Variants in STK38L observed in about 807,000 individuals in gnomAD.
STK38L encodes the protein serine/threonine kinase 38 like.
In STK38L, 28 loss-of-function variants were observed where a neutral mutation model predicts 59.7. The ratio of observed to expected loss-of-function variants is 0.47; its 90% confidence interval spans 0.35 to 0.64. STK38L has a LOEUF of 0.64. Among genes scored for constraint, STK38L ranks in the 30% least tolerant of loss-of-function variants. The pLI, the probability that STK38L is intolerant of heterozygous loss-of-function variation, is 0.01. For synonymous variants in STK38L, 162 were observed against 176.8 expected (o/e 0.92, Z 0.66); for missense variants, 314 against 555.8 (o/e 0.56, Z 4.37).
At chr12:27,311,354 C>G (rs908115892) in intron 5 of STK38L, among the ~76,000 whole-genome samples, 1 of 152,168 alleles carries the variant, frequency 6.6e-6, no homozygotes, top group African/African-American at 2.4e-5. Context: ...ATATTTACTG[C>G]ACTAGGAGTA....
intron 1 of STK38L, among the ~76,000 whole-genome samples, chr12:27,276,890 G>A (rs980174361): frequency 1.8e-4 from 27 of 152,116 alleles, no homozygotes; most frequent in African/African-American, 6.3e-4. Context: ...AGATGCCTTG[G>A]TAATCCTTCC....
intron 3 of STK38L, among the ~76,000 whole-genome samples, chr12:27,306,353 T>TA (rs57053659): frequency 0.16 from 24,642 of 151,100 alleles, 2,559 homozygotes; most frequent in East Asian, 0.33. Flanking sequence ...TTTATGTAAT[T>TA]AAAAAAAAAC....
chr12:27,259,436 C>T (rs373478791), intron 1 of STK38L, among the ~76,000 whole-genome samples: 70 of 152,226 alleles, frequency 4.6e-4, no homozygotes, highest in South Asian at 2.7e-3. Context: ...TTCATCCTAA[C>T]GCGCCACTTT....
intron 3 of STK38L, among the ~76,000 whole-genome samples, chr12:27,305,923 A>C (rs1477276339): frequency 1.3e-5 from 2 of 152,236 alleles, no homozygotes; most frequent in Non-Finnish European, 2.9e-5. Context: ...TTTGTCTTTC[A>C]AGGCTACTTA....
At chr12:27,259,642 C>T (rs923019132) in intron 1 of STK38L, among the ~76,000 whole-genome samples, 43 of 152,204 alleles carry the variant, frequency 2.8e-4, no homozygotes, top group African/African-American at 9.9e-4. Context: ...GTTTCTTTCC[C>T]CCCCTTTTTT....
At chr12:27,257,893 G>C (rs922339602) in intron 1 of STK38L, among the ~76,000 whole-genome samples, 2 of 145,088 alleles carry the variant, frequency 1.4e-5, no homozygotes, top group Non-Finnish European at 3.0e-5. Context: ...GTGGAGTCTT[G>C]CTGTGTTGTC....
At chr12:27,290,129 A>C (rs1943863830) in intron 1 of STK38L, among the ~76,000 whole-genome samples, 1 of 152,258 alleles carries the variant, frequency 6.6e-6, no homozygotes. Flanking sequence ...TTTATCAAAC[A>C]CATGACGTAT....
Position 27,325,799 on chromosome 12 carries a change from C to A in STK38L, c.*3344C>A, listed in dbSNP as rs550642365. 1.3e-4 allele frequency: 20 copies of A among 152,080 alleles called. 1 individual carries two copies. In the South Asian group the frequency reaches 3.7e-3, roughly 28 times the overall value. The allele number at this position is 152,080 out of a possible 1,614,324, so 9.4% of individuals were successfully genotyped here. ...GGAATAAAGTAATAAAAATATATCT[C>A]AGCTATTTTTTTAAAGCAATATAAT... is the stretch of plus-strand genomic sequence containing the variant. On this transcript the variant is annotated 3_prime_UTR_variant, in exon 14 of 14. Transcript: ENST00000389032.
At chr12:27,318,333 G>A (rs955478055) in intron 11 of STK38L, among the ~76,000 whole-genome samples, 1 of 152,150 alleles carries the variant, frequency 6.6e-6, no homozygotes, top group Non-Finnish European at 1.5e-5. Flanking sequence ...GCAGATTCCT[G>A]TCATGAAAAG....
chr12:27,268,265 C>A (rs561342918), intron 1 of STK38L, among the ~76,000 whole-genome samples: 1 of 152,218 alleles, frequency 6.6e-6, no homozygotes, highest in Non-Finnish European at 1.5e-5. Flanking sequence ...TATCCCTCCC[C>A]CTTTCCCCCC....
intron 1 of STK38L, among the ~76,000 whole-genome samples, chr12:27,283,028 A>G (rs962786643): frequency 2.0e-5 from 3 of 152,240 alleles, no homozygotes; most frequent in Non-Finnish European, 4.4e-5. Context: ...GGATTAAGTG[A>G]AATGATACAC....
At chr12:27,255,015 C>T (rs906433812) in intron 1 of STK38L, among the ~76,000 whole-genome samples, 2 of 152,048 alleles carry the variant, frequency 1.3e-5, no homozygotes, top group Non-Finnish European at 2.9e-5. Flanking sequence ...TGTATATGGA[C>T]CAGTGTCTCT....
At chr12:27,265,599 T>C (rs1364873726) in intron 1 of STK38L, among the ~76,000 whole-genome samples, 2 of 152,182 alleles carry the variant, frequency 1.3e-5, no homozygotes, top group Non-Finnish European at 2.9e-5. Context: ...AGTTGCTTAA[T>C]TAAAAAAATT....
Position 27,268,914 on chromosome 12 carries a change from C to A in STK38L, c.-12+24582C>A, listed in dbSNP as rs370709268. 2.8e-3 allele frequency among the ~76,000 whole-genome samples: 427 copies of A among 152,262 alleles called. 3 individuals carry two copies. The highest frequency in any genetic ancestry group is 9.6e-3 in the African/African-American group (397 of 41,552). ...ATGTGTCTTTTGGCTTCATAAATGT[C>A]TTCTTTTGAGAAGTGTCTGTTCATA... On this transcript the variant is annotated intron_variant, in intron 1 of 13. Coordinates refer to ENST00000389032, the MANE Select transcript of STK38L (RefSeq NM_015000.4).
chr12:27,288,496 T>C (rs1007127180), intron 1 of STK38L, among the ~76,000 whole-genome samples: 2 of 152,082 alleles, frequency 1.3e-5, no homozygotes, highest in Non-Finnish European at 2.9e-5. Context: ...GTGCACTAGC[T>C]ATCATCTCAC....
chr12:27,261,020 T>G (rs1460371098), intron 1 of STK38L, among the ~76,000 whole-genome samples: 4 of 152,268 alleles, frequency 2.6e-5, no homozygotes, highest in Non-Finnish European at 5.9e-5. Flanking sequence ...TTTTGTTGCC[T>G]AATTGTGTCC....
At chr12:27,250,517 G>A (rs1942948719) in intron 1 of STK38L, among the ~76,000 whole-genome samples, 1 of 152,106 alleles carries the variant, frequency 6.6e-6, no homozygotes, top group African/African-American at 2.4e-5. Flanking sequence ...TTTTATCAAT[G>A]CCAGTAACCA....
chr12:27,290,227 T>C lies in STK38L; in HGVS notation c.-11-7483T>C, dbSNP rs554149204. 2.6e-5 allele frequency among the ~76,000 whole-genome samples: 4 copies of C among 152,354 alleles called. No homozygotes were observed. In the East Asian group the frequency reaches 7.7e-4, roughly 29 times the overall value. ...CATGCACACAAGGTGGCTATTATTA[T>C]ATTTATTTAACAGGAAACTGACACA... On this transcript the variant is annotated intron_variant, in intron 1 of 13. Coordinates refer to ENST00000389032, the MANE Select transcript of STK38L (RefSeq NM_015000.4).
At chr12:27,246,410 A>G (rs1394547508) in intron 1 of STK38L, among the ~76,000 whole-genome samples, 3 of 152,230 alleles carry the variant, frequency 2.0e-5, no homozygotes, top group Non-Finnish European at 4.4e-5. Flanking sequence ...ATGTATTGTT[A>G]AAATGCTTTT....
Sources: gnomAD v4.1 joint callset for allele counts (sites outside exome capture counted in the v4.1 genomes callset) on GRCh38, gnomAD v4.1.1 for gene constraint, MANE v1.5 for transcripts, NCBI Gene and HGNC (gene_info 2026-07-23, HGNC 2026-07-21) for gene names.